The following ANO4 variants were observed in gnomAD, a reference collection of about 807,000 sequenced individuals.
ANO4 encodes the protein anoctamin 4.
In ANO4, 69 loss-of-function variants were observed where a neutral mutation model predicts 141.9. The observed-to-expected ratio is 0.49, with a 90% CI of 0.40 to 0.59. The LOEUF (loss-of-function observed/expected upper bound fraction) is 0.59, where lower values mean the gene tolerates loss of function less well. ANO4 is among the 20% of genes least tolerant of loss of function. The pLI is 0.00. For missense variants in ANO4, 894 were observed against 1,162.2 expected (o/e 0.77, Z 3.36); for synonymous variants, 350 against 394.3 (o/e 0.89, Z 1.33).
intron 9 of ANO4, among the ~76,000 whole-genome samples, chr12:101,036,722 G>C (rs1239024018): frequency 6.6e-6 from 1 of 152,154 alleles, no homozygotes; most frequent in African/African-American, 2.4e-5. Context: ...GTTGATCAAA[G>C]AGTATAAAGT....
chr12:101,062,445 G>A (rs2048389726), intron 14 of ANO4, among the ~76,000 whole-genome samples: 1 of 152,214 alleles, frequency 6.6e-6, no homozygotes, highest in Admixed American at 6.5e-5. Context: ...TTCAGAGCTG[G>A]CAGGCAGGAA....
intron 1 of ANO4, among the ~76,000 whole-genome samples, chr12:100,819,964 T>A (rs1003831308): frequency 2.6e-5 from 4 of 151,976 alleles, no homozygotes; most frequent in Non-Finnish European, 5.9e-5. Flanking sequence ...GTGTCTTATT[T>A]GTCTTTTGAT....
At chr12:101,067,688 A>G (rs2048648566) in intron 14 of ANO4, among the ~76,000 whole-genome samples, 1 of 152,114 alleles carries the variant, frequency 6.6e-6, no homozygotes, top group Non-Finnish European at 1.5e-5. Context: ...GTCTCCCAAA[A>G]ACAAAAAAGT....
intron 5 of ANO4, among the ~76,000 whole-genome samples, chr12:100,953,587 ATATC>A (rs1226603082): frequency 2.6e-5 from 4 of 152,224 alleles, no homozygotes; most frequent in Admixed American, 6.5e-5. Flanking sequence ...TGTCTGATGA[ATATC>A]TACTACTATT....
At chr12:100,828,285 C>T (rs1481768403) in intron 1 of ANO4, among the ~76,000 whole-genome samples, 1 of 151,984 alleles carries the variant, frequency 6.6e-6, no homozygotes, top group East Asian at 1.9e-4. Context: ...ATTTTGGATG[C>T]ATCTGGGTTC....
intron 2 of ANO4, among the ~76,000 whole-genome samples, chr12:100,734,274 C>T (rs1035669217): frequency 6.6e-6 from 1 of 152,176 alleles, no homozygotes; most frequent in African/African-American, 2.4e-5. Context: ...GGAGAACATG[C>T]TAAGCAAGTG....
intron 14 of ANO4, 27 bp downstream of exon 14, chr12:101,048,428 G>T (rs774096486): frequency 6.3e-7 from 1 of 1,599,596 alleles, no homozygotes. Flanking sequence ...CATAAAACTT[G>T]AGTTTTCCTC....
chr12:100,736,945 C>T (rs2031643091), intron 2 of ANO4, among the ~76,000 whole-genome samples: 4 of 152,112 alleles, frequency 2.6e-5, no homozygotes, highest in Non-Finnish European at 5.9e-5. Context: ...TCGCAGCCCC[C>T]AGAACCATGA....
intron 5 of ANO4, 74 bp from the exon 6 acceptor site, chr12:100,971,232 C>G: frequency 9.2e-7 from 1 of 1,085,250 alleles, no homozygotes; most frequent in Admixed American, 1.8e-5. Flanking sequence ...TCCATGCATT[C>G]TAAGTTCCAA....
intron 2 of ANO4, among the ~76,000 whole-genome samples, chr12:100,911,691 A>G (rs2041109615): frequency 6.6e-6 from 1 of 152,086 alleles, no homozygotes; most frequent in South Asian, 2.1e-4. Flanking sequence ...TAGGGAACAG[A>G]CTGTCTTCTG....
At chr12:101,016,348 G>C (rs1032686812) in intron 8 of ANO4, among the ~76,000 whole-genome samples, 3 of 151,890 alleles carry the variant, frequency 2.0e-5, no homozygotes, top group South Asian at 2.1e-4. Context: ...GTGGGGCAGG[G>C]GGAAGTGGGG....
intron 1 of ANO4, among the ~76,000 whole-genome samples, chr12:100,821,076 C>G (rs2036025156): frequency 6.6e-6 from 1 of 152,050 alleles, no homozygotes; most frequent in Non-Finnish European, 1.5e-5. Flanking sequence ...AAGGGACATT[C>G]CTATATTTTG....
intron 8 of ANO4, among the ~76,000 whole-genome samples, chr12:101,008,852 C>T (rs1016985052): frequency 4.6e-5 from 7 of 152,104 alleles, no homozygotes; most frequent in South Asian, 4.1e-4. Context: ...TCTTGCCTTC[C>T]GCTCCTGTTA....
intron 1 of ANO4, among the ~76,000 whole-genome samples, chr12:100,877,550 G>T (rs2039375659): frequency 6.6e-6 from 1 of 151,658 alleles, no homozygotes; most frequent in Non-Finnish European, 1.5e-5. Context: ...GTCAGCAGCT[G>T]AGGTGGTGGG....
At chr12:100,825,571 C>G (rs1179130587) in intron 1 of ANO4, among the ~76,000 whole-genome samples, 1 of 152,018 alleles carries the variant, frequency 6.6e-6, no homozygotes, top group Non-Finnish European at 1.5e-5. Flanking sequence ...TAAGACATAA[C>G]TGATTCTGTA....
At chr12:101,047,414 A>G (rs750138819) in intron 13 of ANO4, among the ~76,000 whole-genome samples, 21 of 152,164 alleles carry the variant, frequency 1.4e-4, no homozygotes, top group Non-Finnish European at 1.5e-4. Flanking sequence ...GTCTCACAGT[A>G]GGTATTTGAG....
intron 5 of ANO4, among the ~76,000 whole-genome samples, chr12:100,963,054 G>A (rs1438002975): frequency 6.6e-6 from 1 of 152,182 alleles, no homozygotes; most frequent in Admixed American, 6.5e-5. Context: ...CCATTTCCTG[G>A]TCTGGGGACA....
chr12:100,907,555 C>G (rs1442852692), intron 2 of ANO4, among the ~76,000 whole-genome samples: 1 of 152,218 alleles, frequency 6.6e-6, no homozygotes, highest in Non-Finnish European at 1.5e-5. Context: ...TCTTCCGTCA[C>G]TCCTAACATC....
intron 5 of ANO4, among the ~76,000 whole-genome samples, chr12:100,957,323 C>G (rs1054632027): frequency 6.6e-6 from 1 of 152,164 alleles, no homozygotes; most frequent in African/African-American, 2.4e-5. Flanking sequence ...TAATCCATTC[C>G]TGCAGGAACA....
Sources: allele counts gnomAD v4.1 joint callset (sites outside exome capture counted in the v4.1 genomes callset), GRCh38; gene constraint gnomAD v4.1.1; transcripts MANE v1.5; gene names NCBI Gene and HGNC (gene_info 2026-07-23, HGNC 2026-07-21).